The following NTN3 variants were observed in gnomAD, a reference collection of about 807,000 sequenced individuals.
NTN3 encodes netrin 3.
In NTN3, 44 loss-of-function variants were observed where a neutral mutation model predicts 37.2. The ratio of observed to expected loss-of-function variants is 1.18; its 90% CI spans 0.93 to 1.52. The LOEUF is 1.52. NTN3 is among the 40% of genes most tolerant of loss of function. The pLI is 0.00. For synonymous variants in NTN3, 385 were observed against 376.0 expected, an observed-to-expected ratio of 1.02 and a Z score of -0.28; for missense variants, 882 against 857.3, an observed-to-expected ratio of 1.03 and a Z score of -0.36.
rs1238666910 is a variant in NTN3, at chr16:2,473,893, G to T, written c.1531G>T (p.Asp511Tyr). 1.1e-5 allele frequency: 13 copies of T among 1,228,454 alleles called. No homozygotes were observed. Among genetic ancestry groups the T allele is most frequent in the Non-Finnish European group, 1.3e-5 (13 of 986,352 alleles). The allele number at this position is 1,228,454 out of a possible 1,614,324, so 76.1% of individuals were successfully genotyped here. A position where few individuals can be genotyped will look rare whatever the true frequency, so the allele number is the denominator to read the frequency against. The change falls in exon 6 of 6, where the codon GAT becomes TAT. Residue 511 changes from aspartate (D) to tyrosine (Y), a missense_variant. Asp to Tyr is a radical substitution (Grantham distance 160). Coordinates refer to ENST00000293973, the MANE Select transcript of NTN3 (RefSeq NM_006181.3). ...GSSALWVPAG[D>Y]AACGCPRLLP... ...TAGCGCGCTGTGGGTGCCCGCCGGGGATGCGGCCTGCGGCTGCCCGCGCCT... is the reference window on the plus strand; with the variant it reads ...TAGCGCGCTGTGGGTGCCCGCCGGGTATGCGGCCTGCGGCTGCCCGCGCCT...
intron 5 of NTN3, 108 bp downstream of exon 5, chr16:2,473,611 G>C (rs977505271): frequency 4.6e-5 from 61 of 1,328,866 alleles, no homozygotes; most frequent in South Asian, 3.0e-4. Flanking sequence ...TGGGCCCCAA[G>C]GCCCATCCTC....
rs2065522183 is a variant in NTN3, at chr16:2,471,801, G to C, written c.100G>C (p.Gly34Arg). 1 of 1,389,382 alleles carries C rather than the reference G, an allele frequency of 7.2e-7. No individual in the cohort carries two copies. The highest frequency in any genetic ancestry group is 1.6e-5 in the South Asian group (1 of 61,732). The allele number at this position is 1,389,382 out of a possible 1,614,324, so 86.1% of individuals were successfully genotyped here. Residue 34 changes from glycine (G) to arginine (R), a missense_variant, in exon 1 of 6, where the codon GGG (glycine) becomes CGG (arginine). By Grantham distance (125) the Gly-to-Arg change is moderately radical (BLOSUM62 -2). Coordinates refer to ENST00000293973, the MANE Select transcript of NTN3 (RefSeq NM_006181.3). ...GCCCGCCGACCCCTGCCACGATGAG[G>C]GGGGTGCGCCCCGCGGCTGCGTGCC... Reference protein sequence around the residue: ...PAPADPCHDEGGAPRGCVPGL... With the variant: ...PAPADPCHDERGAPRGCVPGL...
chr16:2,472,640 G>A lies in NTN3; in HGVS notation c.928+11G>A, dbSNP rs2065528779. The A allele has an allele frequency of 6.2e-7, 1 of 1,600,246 alleles. No individual in the cohort carries two copies. Among genetic ancestry groups the A allele is most frequent in the Non-Finnish European group, 8.5e-7 (1 of 1,172,194 alleles). ...CCCACGCCTGCCTCGGTGAGGCCTT[G>A]GAGGGTGGCCTGGGGACCTTGGACA... On this transcript the variant is annotated intron_variant, in intron 1 of 5. Transcript: ENST00000293973.
At position 2,473,256 on chromosome 16, in the gene NTN3, C is replaced by G. The variant is rs887905760; in HGVS notation, c.1268-12C>G. On this transcript the variant is annotated splice_polypyrimidine_tract_variant and intron_variant, in intron 3 of 5. Transcript: ENST00000293973. ...CCCTCCATCGCAGGCCATTCTCCCT[C>G]CCTCTCTGCAGAGACCCCTATCCCT... The G allele has an allele frequency of 6.2e-7, 1 of 1,612,526 alleles. No individual in the cohort carries two copies. The highest frequency in any genetic ancestry group is 8.5e-7 in the Non-Finnish European group (1 of 1,179,746).
intron 5 of NTN3, 101 bp from the exon 6 acceptor site, chr16:2,473,655 C>A: frequency 8.0e-7 from 1 of 1,257,858 alleles, no homozygotes; most frequent in Non-Finnish European, 1.1e-6. Flanking sequence ...GCGACCCCGC[C>A]CCTTCAGCCC....
rs1487860581 is a variant in NTN3, at chr16:2,472,134, G to GCC, written c.436_437dup (p.Leu147ArgfsTer70). 1 of 1,608,040 alleles carries GCC rather than the reference G, an allele frequency of 6.2e-7. No individual in the cohort carries two copies. The highest frequency in any genetic ancestry group is 8.5e-7 in the Non-Finnish European group (1 of 1,179,444). On this transcript the variant is annotated frameshift_variant, in exon 1 of 6. Coordinates refer to ENST00000293973, the MANE Select transcript of NTN3 (RefSeq NM_006181.3). LOFTEE classifies it high-confidence loss of function. ...GTCTCAGGACCATGGCCGCAGCTGG[G>GCC]CCCCGCTGGGCTTCTTCTCCTCCCA...
At chr16:2,473,607 C>G in intron 5 of NTN3, 104 bp downstream of exon 5, 2 of 1,337,920 alleles carry the variant, frequency 1.5e-6, no homozygotes, top group South Asian at 1.3e-5. Context: ...TTGCTGGGCC[C>G]CAAGGCCCAT....
In NTN3 at chr16:2,473,016, C is replaced by T; in HGVS notation, c.1149C>T (p.Gly383=). 2 of 1,608,182 alleles carry T rather than the reference C, an allele frequency of 1.2e-6. No individual in the cohort carries two copies. The highest frequency in any genetic ancestry group is 1.7e-6 in the Non-Finnish European group (2 of 1,177,172). ...ACTGTCACCCGGTTGGTGCTGCTGGCAAGACCTGCAACCAGACCACAGGCC... is the reference window on the plus strand; with the variant it reads ...ACTGTCACCCGGTTGGTGCTGCTGGTAAGACCTGCAACCAGACCACAGGCC... The part of the protein sequence containing the change: ...ACDCHPVGAA[G]KTCNQTTGQC... The change falls in exon 3 of 6, where the codon GGC becomes GGT. Residue 383 remains glycine (G), a synonymous_variant. Transcript: ENST00000293973.
chr16:2,472,575 T>A lies in NTN3; in HGVS notation c.874T>A (p.Tyr292Asn). 2 of 1,602,068 alleles carry A rather than the reference T, an allele frequency of 1.2e-6. No homozygotes were observed. Among genetic ancestry groups the A allele is most frequent in the Non-Finnish European group, 1.7e-6 (2 of 1,175,412 alleles). ...TGACTGCGGCCGCTGCAAGCCCTTC[T>A]ACTGCGACAGGCCATGGCAGCGGGC... ...GPDCGRCKPF[Y>N]CDRPWQRATA... is the part of the protein sequence containing the mutation. Residue 292 changes from tyrosine to asparagine, a missense_variant, in exon 1 of 6, where the codon TAC (tyrosine) becomes AAC (asparagine). Physicochemically the swap from Tyr to Asn is moderately radical, Grantham distance 143. Transcript: ENST00000293973.
Position 2,473,426 on chromosome 16 carries a change from C to G in NTN3, c.1319-3C>G. ...CTGTGCCAGCCTCCCACCTTCTACC[C>G]AGACTGTGACTCGCACTGCAAACCT... On this transcript the variant is annotated splice_region_variant and splice_polypyrimidine_tract_variant and intron_variant, in intron 4 of 5. Transcript: ENST00000293973. The G allele has an allele frequency of 6.2e-7, 1 of 1,612,992 alleles. No individual in the cohort carries two copies. The highest frequency in any genetic ancestry group is 8.5e-7 in the Non-Finnish European group (1 of 1,179,952).
Position 2,472,903 on chromosome 16 carries a change from G to A in NTN3, c.1117+14G>A, listed in dbSNP as rs547454873. The A allele has an allele frequency of 8.2e-6, 13 of 1,584,460 alleles. No individual in the cohort carries two copies. The East Asian group carries it at 1.1e-4, about 14-fold the overall frequency. On this transcript the variant is annotated intron_variant, in intron 2 of 5. Transcript: ENST00000293973. The stretch of plus-strand genomic sequence containing the variant: ...GGGCTTGCAGGGGTGAGCCACCACC[G>A]GCCACCTGCAGGCCCTCACCCTCTG...
Position 2,473,021 on chromosome 16 carries a change from C to G in NTN3, c.1154C>G (p.Thr385Ser). 1 of 1,609,852 alleles carries G rather than the reference C, an allele frequency of 6.2e-7. No homozygotes were observed. Among genetic ancestry groups the G allele is most frequent in the South Asian group, 1.1e-5 (1 of 91,004 alleles). ...CACCCGGTTGGTGCTGCTGGCAAGA[C>G]CTGCAACCAGACCACAGGCCAGTGT... The part of the protein sequence containing the change: ...DCHPVGAAGK[T>S]CNQTTGQCPC... Residue 385 changes from threonine to serine, a missense_variant, in exon 3 of 6, where the codon ACC becomes AGC. Transcript: ENST00000293973.
At chr16:2,473,607 C>CCCAG in intron 5 of NTN3, 104 bp downstream of exon 5, 1 of 1,337,912 alleles carries the variant, frequency 7.5e-7, no homozygotes, top group Non-Finnish European at 1.0e-6. Flanking sequence ...TTGCTGGGCC[C>CCCAG]CAAGGCCCAT....
Position 2,472,434 on chromosome 16 carries a change from G to A in NTN3, c.733G>A (p.Ala245Thr), listed in dbSNP as rs760845427. 9 of 1,611,324 alleles carry A rather than the reference G, an allele frequency of 5.6e-6. No individual in the cohort carries two copies. The highest frequency in any genetic ancestry group is 1.1e-5 in the South Asian group (1 of 91,078). The change falls in exon 1 of 6, where the codon GCA becomes ACA. Residue 245 changes from alanine to threonine, a missense_variant. Transcript: ENST00000293973. ...GGAGGCCGTCGTCCCTTACTCCTAC[G>A]CAGCCACCGACCTCCAGGTGGGCGG... The part of the protein sequence containing the change: ...DMEAVVPYSY[A>T]ATDLQVGGRC...
Position 2,472,242 on chromosome 16 carries a change from C to A in NTN3, c.541C>A (p.Pro181Thr). 6.2e-7 allele frequency: 1 copy of A among 1,610,418 alleles called. No homozygotes were observed. Among genetic ancestry groups the A allele is most frequent in the Non-Finnish European group, 8.5e-7 (1 of 1,179,374 alleles). Reference sequence around the variant, plus strand: ...GCCTGAGGCCCTGTGCTTCCCCGCACCCCTGGCCCAGCCTGATGGCAGCGG... The same window carrying A: ...GCCTGAGGCCCTGTGCTTCCCCGCAACCCTGGCCCAGCCTGATGGCAGCGG... ...PGPEALCFPA[P>T]LAQPDGSGLL... Residue 181 changes from proline to threonine, a missense_variant, in exon 1 of 6, where the codon CCC becomes ACC. Pro to Thr is a conservative substitution (Grantham distance 38). Coordinates refer to ENST00000293973, the MANE Select transcript of NTN3 (RefSeq NM_006181.3).
rs375026789 is a variant in NTN3, at chr16:2,473,111, G to A, written c.1244G>A (p.Arg415His). 1.4e-5 allele frequency: 22 copies of A among 1,606,162 alleles called. No homozygotes were observed. Among genetic ancestry groups the A allele is most frequent in the African/African-American group, 5.3e-5 (4 of 74,890 alleles). ...NRCAPGFQQS[R>H]SPVAPCVKTP... ...TGCGCGCCTGGCTTCCAGCAAAGCCGCTCCCCAGTGGCGCCCTGTGTTAGT... is the reference window on the plus strand; with the variant it reads ...TGCGCGCCTGGCTTCCAGCAAAGCCACTCCCCAGTGGCGCCCTGTGTTAGT... Residue 415 changes from arginine to histidine, a missense_variant, in exon 3 of 6, where the codon CGC becomes CAC. Physicochemically the swap from Arg to His is conservative, Grantham distance 29. Coordinates refer to ENST00000293973, the MANE Select transcript of NTN3 (RefSeq NM_006181.3).
Position 2,471,962 on chromosome 16 carries a change from G to C in NTN3, c.261G>C (p.Thr87=), listed in dbSNP as rs1458327799. ...SPALLTSPGG[T]ASPLCWRSES... ...CCCTCCTTACTTCCCCAGGGGGCAC[G>C]GCCAGCCCTCTGTGCTGGCGCTCGG... Residue 87 remains threonine, a synonymous_variant, in exon 1 of 6, where the codon ACG becomes ACC. Transcript: ENST00000293973. The C allele has an allele frequency of 1.3e-6, 2 of 1,580,430 alleles. No homozygotes were observed. The highest frequency in any genetic ancestry group is 3.5e-5 in the Admixed American group (2 of 57,706).
Position 2,472,415 on chromosome 16 carries a change from C to A in NTN3, c.714C>A (p.Ala238=), listed in dbSNP as rs779303286. The A allele has an allele frequency of 6.2e-7, 1 of 1,612,590 alleles. No homozygotes were observed. The highest frequency in any genetic ancestry group is 8.5e-7 in the Non-Finnish European group (1 of 1,179,772). The change falls in exon 1 of 6, where the codon GCC becomes GCA. Residue 238 remains alanine, a synonymous_variant. Transcript: ENST00000293973. ...CAGGTGACCCCAGGGACATGGAGGC[C>A]GTCGTCCCTTACTCCTACGCAGCCA... The part of the protein sequence containing the change: ...STAGDPRDME[A]VVPYSYAATD...
chr16:2,472,637 C>T lies in NTN3; in HGVS notation c.928+8C>T, dbSNP rs763231883. The T allele has an allele frequency of 2.5e-6, 4 of 1,600,060 alleles. No individual in the cohort carries two copies. The highest frequency in any genetic ancestry group is 3.4e-5 in the Admixed American group (2 of 58,784). On this transcript the variant is annotated splice_region_variant and intron_variant, in intron 1 of 5. Transcript: ENST00000293973. ...AATCCCACGCCTGCCTCGGTGAGGC[C>T]TTGGAGGGTGGCCTGGGGACCTTGG... is the stretch of plus-strand genomic sequence containing the variant.
Sources: allele counts gnomAD v4.1 joint callset, GRCh38; gene constraint gnomAD v4.1.1; transcripts MANE v1.5; gene names NCBI Gene and HGNC (gene_info 2026-07-23, HGNC 2026-07-21).